RNF180: variants seen among roughly 807,000 people sequenced by gnomAD.
RNF180 encodes ring finger protein 180, also known as E3 ubiquitin-protein ligase RNF180.
A neutral mutation model predicts 59.2 loss-of-function variants in RNF180; 38 were observed. The ratio of observed to expected loss-of-function variants is 0.64; its 90% CI spans 0.50 to 0.84. The LOEUF (loss-of-function observed/expected upper bound fraction) is 0.84, where lower values mean the gene tolerates loss of function less well. Among genes scored for constraint, RNF180 ranks in the 40% least tolerant of loss-of-function variants. The probability of loss-of-function intolerance (pLI) is 0.00; values close to 1 mark genes in which losing one functional copy is unlikely to be tolerated. For missense variants in RNF180, 705 were observed against 700.9 expected (o/e 1.01, Z -0.07); for synonymous variants, 262 against 240.3 (o/e 1.09, Z -0.84).
intron 2 of RNF180, among the ~76,000 whole-genome samples, 172 bp downstream of exon 2, chr5:64,201,114 G>C (rs752785474): frequency 3.3e-5 from 5 of 152,078 alleles, no homozygotes; most frequent in Non-Finnish European, 7.4e-5. Flanking sequence ...ATTCTAAAAT[G>C]GTATTCAAAA....
In RNF180 at chr5:64,330,396, T is replaced by C; in HGVS notation, c.1569T>C (p.His523=). 2.6e-6 allele frequency: 4 copies of C among 1,537,152 alleles called. No homozygotes were observed. The highest frequency in any genetic ancestry group is 3.5e-6 in the Non-Finnish European group (4 of 1,143,874). ...WPLPSCRKAF[H]LFGGFRRHAA... is the part of the protein sequence containing the mutation. The stretch of plus-strand genomic sequence containing the variant: ...TACCAAGCTGCAGAAAAGCATTTCA[T>C]CTTTTTGGAGGTAAGGAAATCTAAC... Residue 523 remains histidine (H), a synonymous_variant, in exon 7 of 8, where the codon CAT becomes CAC. Transcript: ENST00000389100.
intron 5 of RNF180, among the ~76,000 whole-genome samples, chr5:64,308,054 G>A (rs1292488524): frequency 6.6e-6 from 1 of 151,734 alleles, no homozygotes; most frequent in Non-Finnish European, 1.5e-5. Flanking sequence ...GAGCTTAATA[G>A]TATGAATCAA....
At chr5:64,173,274 G>A (rs759276911) in intron 1 of RNF180, among the ~76,000 whole-genome samples, 28 of 152,016 alleles carry the variant, frequency 1.8e-4, no homozygotes, top group Admixed American at 5.2e-4. Flanking sequence ...AATGTATCTT[G>A]AATGTATATA....
intron 2 of RNF180, among the ~76,000 whole-genome samples, chr5:64,204,446 T>A (rs561590451): frequency 3.3e-5 from 5 of 152,192 alleles, no homozygotes; most frequent in Admixed American, 6.5e-5. Context: ...TAATTTCACG[T>A]CTTCACCAAC....
intron 5 of RNF180, among the ~76,000 whole-genome samples, chr5:64,233,994 G>A (rs2112208051): frequency 6.6e-6 from 1 of 152,194 alleles, no homozygotes; most frequent in South Asian, 2.1e-4. Flanking sequence ...ATAATATATT[G>A]GAAAGAAAGT....
intron 5 of RNF180, among the ~76,000 whole-genome samples, chr5:64,312,584 T>C (rs2112484501): frequency 6.6e-6 from 1 of 152,240 alleles, no homozygotes; most frequent in South Asian, 2.1e-4. Context: ...TCATTGTAAC[T>C]TGTTACTTTG....
chr5:64,347,149 CTAAG>C (rs758846477), intron 7 of RNF180, among the ~76,000 whole-genome samples: 10 of 152,158 alleles, frequency 6.6e-5, no homozygotes, highest in African/African-American at 9.6e-5. Flanking sequence ...TTTAAGAAAT[CTAAG>C]TAATTGTACA....
At chr5:64,261,889 G>T (rs1744363196) in intron 5 of RNF180, among the ~76,000 whole-genome samples, 1 of 152,156 alleles carries the variant, frequency 6.6e-6, no homozygotes, top group African/African-American at 2.4e-5. Flanking sequence ...GTGGAAAAAA[G>T]TGAAAGCTGT....
At chr5:64,332,817 C>T (rs1744965508) in intron 7 of RNF180, among the ~76,000 whole-genome samples, 1 of 152,148 alleles carries the variant, frequency 6.6e-6, no homozygotes, top group Admixed American at 6.5e-5. Context: ...ATATGAGGAA[C>T]TGTGATCTTC....
intron 6 of RNF180, among the ~76,000 whole-genome samples, 153 bp from the exon 7 acceptor site, chr5:64,330,128 G>GA (rs1170429175): frequency 6.6e-6 from 1 of 151,970 alleles, no homozygotes; most frequent in Non-Finnish European, 1.5e-5. Context: ...CTTGAGTAAA[G>GA]AAAAAAATGT....
chr5:64,302,438 C>T (rs1200722614), intron 5 of RNF180, among the ~76,000 whole-genome samples: 1 of 151,454 alleles, frequency 6.6e-6, no homozygotes, highest in Non-Finnish European at 1.5e-5. Flanking sequence ...TTTCCAGTAT[C>T]TTCCTTGGCC....
At chr5:64,357,285 A>G (rs986385511) in intron 7 of RNF180, among the ~76,000 whole-genome samples, 1 of 151,854 alleles carries the variant, frequency 6.6e-6, no homozygotes, top group Non-Finnish European at 1.5e-5. Context: ...CCTAGTTGTG[A>G]CTATAAATAT....
chr5:64,362,847 T>C (rs1746310064), intron 7 of RNF180, among the ~76,000 whole-genome samples: 1 of 151,792 alleles, frequency 6.6e-6, no homozygotes, highest in Non-Finnish European at 1.5e-5. Flanking sequence ...TCAGTGATAT[T>C]GAGCTTTTTT....
intron 1 of RNF180, among the ~76,000 whole-genome samples, chr5:64,197,748 A>C (rs1199569527): frequency 1.3e-5 from 2 of 152,224 alleles, no homozygotes; most frequent in South Asian, 2.1e-4. Context: ...AGTTGAAGTC[A>C]GTACCTTTTC....
At chr5:64,206,740 C>A (rs768012902) in intron 2 of RNF180, among the ~76,000 whole-genome samples, 3 of 151,900 alleles carry the variant, frequency 2.0e-5, no homozygotes, top group Non-Finnish European at 2.9e-5. Flanking sequence ...AAAGATGGGG[C>A]CTTAATCCAA....
chr5:64,216,652 T>A (rs1315341600), intron 4 of RNF180, among the ~76,000 whole-genome samples: 2 of 152,196 alleles, frequency 1.3e-5, no homozygotes, highest in African/African-American at 4.8e-5. Context: ...TACAGAAAGT[T>A]ATTTAAATAT....
intron 7 of RNF180, among the ~76,000 whole-genome samples, chr5:64,352,639 C>G (rs1471151910): frequency 6.6e-6 from 1 of 152,040 alleles, no homozygotes; most frequent in African/African-American, 2.4e-5. Flanking sequence ...ATCTTTATTT[C>G]TGCCTTCAAA....
chr5:64,256,078 T>A (rs1743930748), intron 5 of RNF180, among the ~76,000 whole-genome samples: 1 of 152,184 alleles, frequency 6.6e-6, no homozygotes, highest in South Asian at 2.1e-4. Flanking sequence ...TTGTTTGAGT[T>A]CATTGTAGAT....
intron 5 of RNF180, among the ~76,000 whole-genome samples, chr5:64,283,136 TC>T (rs1742097284): frequency 6.6e-6 from 1 of 152,194 alleles, no homozygotes; most frequent in Admixed American, 6.5e-5. Flanking sequence ...TATCTAAGGT[TC>T]TTTATAGGTC....
Sources: gnomAD v4.1 joint callset for allele counts (sites outside exome capture counted in the v4.1 genomes callset) on GRCh38, gnomAD v4.1.1 for gene constraint, MANE v1.5 for transcripts, NCBI Gene and HGNC (gene_info 2026-07-23, HGNC 2026-07-21) for gene names.